Variants in DNAH11 observed in about 807,000 individuals in gnomAD.
DNAH11 encodes dynein axonemal heavy chain 11, also known as axonemal beta dynein heavy chain 11.
In DNAH11, 442 loss-of-function variants were observed where a neutral mutation model predicts 526.0. That is an observed-to-expected ratio of 0.84 (90% CI 0.78 to 0.91). The LOEUF is 0.91. Among genes scored for constraint, DNAH11 ranks in the 40% least tolerant of loss-of-function variants. The pLI, the probability that DNAH11 is intolerant of heterozygous loss-of-function variation, is 0.00. For synonymous variants in DNAH11, 2,461 were observed against 1,935.9 expected, an observed-to-expected ratio of 1.27 and a Z score of -7.12; for missense variants, 6,989 against 5,448.7, an observed-to-expected ratio of 1.28 and a Z score of -8.90.
chr7:21,652,544 A>AT (rs892154750), intron 28 of DNAH11, among the ~76,000 whole-genome samples: 27 of 137,900 alleles, frequency 2.0e-4, no homozygotes, highest in African/African-American at 6.6e-4. Context: ...TAGTTTATGG[A>AT]TTTTTTTGAT....
At chr7:21,590,888 G>A in intron 12 of DNAH11, 30 bp from the exon 13 acceptor site, 2 of 1,203,586 alleles carry the variant, frequency 1.7e-6, no homozygotes, top group East Asian at 3.1e-5. Flanking sequence ...ATGAAAATAT[G>A]CAATAATTTT....
intron 65 of DNAH11, among the ~76,000 whole-genome samples, chr7:21,823,824 G>A (rs573100567): frequency 1.5e-4 from 23 of 152,230 alleles, no homozygotes; most frequent in African/African-American, 5.3e-4. Flanking sequence ...TTACTGAGTT[G>A]ACAAAAAGAA....
At chr7:21,705,646 C>G in intron 39 of DNAH11, 109 bp downstream of exon 39, 1 of 1,064,932 alleles carries the variant, frequency 9.4e-7, no homozygotes, top group Non-Finnish European at 1.4e-6. Context: ...ATGAAGCCCA[C>G]CATAATTTTG....
intron 65 of DNAH11, among the ~76,000 whole-genome samples, chr7:21,826,057 T>C (rs912440078): frequency 2.0e-5 from 3 of 152,130 alleles, no homozygotes; most frequent in Non-Finnish European, 4.4e-5. Flanking sequence ...AGTAACCTAA[T>C]GGGCACAATG....
intron 35 of DNAH11, among the ~76,000 whole-genome samples, chr7:21,691,231 G>A (rs1783609964): frequency 6.7e-6 from 1 of 149,508 alleles, no homozygotes; most frequent in African/African-American, 2.5e-5. Context: ...GAACACTTCA[G>A]GAGGAAATGC....
chr7:21,652,292 C>A (rs552159673), intron 28 of DNAH11, among the ~76,000 whole-genome samples: 1 of 152,304 alleles, frequency 6.6e-6, no homozygotes, highest in South Asian at 2.1e-4. Flanking sequence ...ACCTCCCAAA[C>A]AACAAAAACT....
chr7:21,657,630 G>A (rs1782072043), intron 29 of DNAH11, among the ~76,000 whole-genome samples: 1 of 152,162 alleles, frequency 6.6e-6, no homozygotes, highest in Admixed American at 6.5e-5. Flanking sequence ...GAATTAATGA[G>A]GGAACTTGTT....
rs777887934 is a variant in DNAH11 at position 21,892,590 on chromosome 7, C to T, written c.12673C>T (p.Leu4225Phe). 2.5e-6 allele frequency: 4 copies of T among 1,613,978 alleles called. No individual in the cohort carries two copies. The highest frequency in any genetic ancestry group is 1.7e-5 in the Admixed American group (1 of 60,016). Residue 4225 changes from leucine to phenylalanine, a missense_variant, in exon 77 of 82, where the codon CTC becomes TTC. By Grantham distance (22) the Leu-to-Phe change is conservative. Transcript: ENST00000409508. ...IEFLTVTSNT[L>F]FRTLLEMQPR... The stretch of plus-strand genomic sequence containing the variant: ...ATTCCTGACAGTGACATCCAACACT[C>T]TCTTCAGAACTTTGCTGGAGATGCA...
chr7:21,702,834 G>A, intron 37 of DNAH11, 32 bp downstream of exon 37: 1 of 1,579,150 alleles, frequency 6.3e-7, no homozygotes, highest in African/African-American at 1.3e-5. Context: ...TTTGTTGAGT[G>A]AGTAGCTGGC....
intron 56 of DNAH11, among the ~76,000 whole-genome samples, chr7:21,775,674 T>C (rs1372572425): frequency 6.6e-6 from 1 of 152,114 alleles, no homozygotes; most frequent in Non-Finnish European, 1.5e-5. Context: ...TATTTTACTT[T>C]CTTAACTTTT....
intron 40 of DNAH11, among the ~76,000 whole-genome samples, chr7:21,709,297 T>C (rs1784379113): frequency 6.6e-6 from 1 of 152,122 alleles, no homozygotes; most frequent in African/African-American, 2.4e-5. Flanking sequence ...CTGGAGACCA[T>C]TATCCTAAGT....
chr7:21,839,491 C>T (rs1782122401), intron 65 of DNAH11, among the ~76,000 whole-genome samples: 4 of 151,282 alleles, frequency 2.6e-5, no homozygotes, highest in South Asian at 2.1e-4. Context: ...AGGAAAATGG[C>T]GTGAACCCAG....
At chr7:21,661,615 C>G (rs1782244924) in intron 30 of DNAH11, among the ~76,000 whole-genome samples, 1 of 151,326 alleles carries the variant, frequency 6.6e-6, no homozygotes, top group South Asian at 2.1e-4. Flanking sequence ...AACTTTTTTC[C>G]TTGTAGCATA....
Position 21,725,856 on chromosome 7 carries a change from A to T in DNAH11, c.7312A>T (p.Met2438Leu). Residue 2438 changes from methionine (M) to leucine (L), a missense_variant, in exon 45 of 82, where the codon ATG becomes TTG. Met to Leu is a conservative substitution (Grantham distance 15). Coordinates refer to ENST00000409508, the MANE Select transcript of DNAH11 (RefSeq NM_001277115.2). ...CTTCAGTCGGTGGTGGCAGAAAGAG[A>T]TGAAAGCAGTGAAATTTCCGTCGCA... The part of the protein sequence containing the change: ...ADFSRWWQKE[M>L]KAVKFPSQGT... 6.2e-7 allele frequency: 1 copy of T among 1,611,900 alleles called. No individual in the cohort carries two copies. Among genetic ancestry groups the T allele is most frequent in the East Asian group, 2.2e-5 (1 of 44,854 alleles).
intron 14 of DNAH11, among the ~76,000 whole-genome samples, chr7:21,593,676 C>T (rs1450561103): frequency 1.3e-5 from 2 of 151,948 alleles, no homozygotes; most frequent in Non-Finnish European, 2.9e-5. Context: ...ATGTGGTGCT[C>T]ACAGATGTGC....
chr7:21,559,589 C>T lies in DNAH11; in HGVS notation c.693-14C>T. 6.4e-7 allele frequency: 1 copy of T among 1,574,086 alleles called. No individual in the cohort carries two copies. Among genetic ancestry groups the T allele is most frequent in the Non-Finnish European group, 8.6e-7 (1 of 1,157,020 alleles). On this transcript the variant is annotated splice_polypyrimidine_tract_variant and intron_variant, in intron 3 of 81. Transcript: ENST00000409508. ...ATTCATCTTTGAATTATTTTATTATCTTAATGTTTGTAGGCCACCGTCAAA... is the reference window on the plus strand; with the variant it reads ...ATTCATCTTTGAATTATTTTATTATTTTAATGTTTGTAGGCCACCGTCAAA...
At chr7:21,581,725 GCA>G (rs1765739183) in intron 8 of DNAH11, among the ~76,000 whole-genome samples, 178 bp from the exon 9 acceptor site, 1 of 151,790 alleles carries the variant, frequency 6.6e-6, no homozygotes. Context: ...GGTGGCACTT[GCA>G]CAGTCAGTCA....
At chr7:21,789,412 CT>C in intron 61 of DNAH11, 70 bp downstream of exon 61, 1 of 981,754 alleles carries the variant, frequency 1.0e-6, no homozygotes, top group Non-Finnish European at 1.5e-6. Flanking sequence ...GGATTCCACC[CT>C]CAGACAGCAC....
rs1298888872 is a variant in DNAH11 at position 21,637,685 on chromosome 7, T to A, written c.4800T>A (p.Leu1600=). Residue 1600 remains leucine, a synonymous_variant, in exon 27 of 82, where the codon CTT becomes CTA. Transcript: ENST00000409508. The part of the protein sequence containing the change: ...ATCRPNLYEK[L]KDLQSRLSLC... ...GCAGACCTAATCTCTATGAAAAACT[T>A]AAAGATTTACAGTCCAGGTAAGAAT... The A allele has an allele frequency of 6.4e-7, 1 of 1,566,470 alleles. No homozygotes were observed. Among genetic ancestry groups the A allele is most frequent in the Non-Finnish European group, 8.7e-7 (1 of 1,155,712 alleles).
Sources: allele counts gnomAD v4.1 joint callset (sites outside exome capture counted in the v4.1 genomes callset), GRCh38; gene constraint gnomAD v4.1.1; transcripts MANE v1.5; gene names NCBI Gene and HGNC (gene_info 2026-07-23, HGNC 2026-07-21).